The following CDK8 variants were observed in gnomAD, a reference collection of about 807,000 sequenced individuals.
CDK8 encodes the protein cyclin-dependent kinase 8.
Under a neutral mutation model 71.5 loss-of-function variants are expected in CDK8, and 29 were observed. The observed-to-expected ratio is 0.41, with a 90% confidence interval of 0.30 to 0.55. The LOEUF is 0.55. Ranked by LOEUF, CDK8 falls within the 20% of genes least tolerant of loss-of-function variation. The pLI is 0.37. For missense variants in CDK8, 288 were observed against 572.6 expected, an observed-to-expected ratio of 0.50 and a Z score of 5.07; for synonymous variants, 161 against 192.1, an observed-to-expected ratio of 0.84 and a Z score of 1.34.
chr13:26,292,827 A>T (rs950976986), intron 1 of CDK8, among the ~76,000 whole-genome samples: 1 of 152,208 alleles, frequency 6.6e-6, no homozygotes, highest in Admixed American at 6.5e-5. Context: ...CTCCAGTGTG[A>T]TTCAGATTTC....
At chr13:26,356,997 CT>C (rs1368685713) in intron 4 of CDK8, among the ~76,000 whole-genome samples, 1 of 152,080 alleles carries the variant, frequency 6.6e-6, no homozygotes, top group Middle Eastern at 3.2e-3. Flanking sequence ...CACAGACACC[CT>C]AAAAACACCA....
At chr13:26,361,898 G>C (rs188784209) in intron 4 of CDK8, among the ~76,000 whole-genome samples, 1 of 147,666 alleles carries the variant, frequency 6.8e-6, no homozygotes, top group Non-Finnish European at 1.5e-5. Context: ...CCAAAGTGCC[G>C]GGATTACAGG....
intron 1 of CDK8, among the ~76,000 whole-genome samples, chr13:26,321,056 A>G (rs1874753396): frequency 6.6e-6 from 1 of 152,238 alleles, no homozygotes. Flanking sequence ...AAAGAGGAAT[A>G]TAAATCCCTG....
chr13:26,285,161 C>T (rs1288502747), intron 1 of CDK8, among the ~76,000 whole-genome samples: 1 of 152,120 alleles, frequency 6.6e-6, no homozygotes, highest in African/African-American at 2.4e-5. Context: ...ATCGCTTGAA[C>T]CCGAGAGGTC....
chr13:26,270,389 CAA>C (rs58365823), intron 1 of CDK8, among the ~76,000 whole-genome samples: 24 of 128,044 alleles, frequency 1.9e-4, no homozygotes, highest in Admixed American at 2.4e-4. Flanking sequence ...AACTCTGTCT[CAA>C]AAAAAAAAAA....
intron 4 of CDK8, among the ~76,000 whole-genome samples, chr13:26,364,615 T>C (rs1446205078): frequency 6.6e-6 from 1 of 152,170 alleles, no homozygotes; most frequent in Non-Finnish European, 1.5e-5. Flanking sequence ...ACATACCTTA[T>C]TGTTACAATC....
At chr13:26,261,838 CA>C (rs1403949672) in intron 1 of CDK8, among the ~76,000 whole-genome samples, 2 of 152,130 alleles carry the variant, frequency 1.3e-5, no homozygotes, top group African/African-American at 4.8e-5. Flanking sequence ...GGATCATATC[CA>C]AAGCAGCTGA....
chr13:26,298,018 T>C (rs1873642972), intron 1 of CDK8, among the ~76,000 whole-genome samples: 1 of 152,066 alleles, frequency 6.6e-6, no homozygotes. Context: ...TATTAAAGCC[T>C]CCTCCACCCT....
chr13:26,403,259 C>G (rs898427003), intron 12 of CDK8, among the ~76,000 whole-genome samples: 6 of 152,028 alleles, frequency 3.9e-5, no homozygotes, highest in African/African-American at 1.2e-4. Flanking sequence ...CCCGTAATCC[C>G]AGTGGTTTAG....
At chr13:26,397,558 A>C (rs1406599856) in intron 9 of CDK8, among the ~76,000 whole-genome samples, 1 of 151,470 alleles carries the variant, frequency 6.6e-6, no homozygotes, top group African/African-American at 2.4e-5. Flanking sequence ...TCAAGAAGAA[A>C]GTACTTCTCA....
At chr13:26,396,697 C>T (rs765714272) in intron 8 of CDK8, among the ~76,000 whole-genome samples, 4 of 152,098 alleles carry the variant, frequency 2.6e-5, no homozygotes, top group Non-Finnish European at 5.9e-5. Context: ...GCCACTTGCT[C>T]ACCAATCTAG....
At chr13:26,377,507 G>GA (rs1283603971) in intron 4 of CDK8, among the ~76,000 whole-genome samples, 2 of 152,156 alleles carry the variant, frequency 1.3e-5, no homozygotes, top group African/African-American at 4.8e-5. Flanking sequence ...TTTTTATCAG[G>GA]AAACAGAATT....
chr13:26,293,998 A>G (rs1454075341), intron 1 of CDK8, among the ~76,000 whole-genome samples: 1 of 152,158 alleles, frequency 6.6e-6, no homozygotes, highest in Non-Finnish European at 1.5e-5. Context: ...TTTAAATTCT[A>G]CATATAAGTG....
At position 26,293,082 on chromosome 13, in the gene CDK8, AT is replaced by A. The variant is rs577903559; in HGVS notation, c.128+38317del. Among the ~76,000 whole-genome samples the A allele has an allele frequency of 9.2e-5, 14 of 152,234 alleles. No individual in the cohort carries two copies. In the South Asian group the frequency reaches 2.9e-3, roughly 32 times the overall value. The stretch of plus-strand genomic sequence containing the variant: ...GAATCAAGAAAGTACTTGTCCTTCA[AT>A]TTTGGGAAATGCTATTATTTGATAA... On this transcript the variant is annotated intron_variant, in intron 1 of 12. Transcript: ENST00000381527.
At chr13:26,365,417 A>G (rs1347533405) in intron 4 of CDK8, among the ~76,000 whole-genome samples, 1 of 152,156 alleles carries the variant, frequency 6.6e-6, no homozygotes, top group East Asian at 1.9e-4. Flanking sequence ...TATCAATAAA[A>G]AAGTGGCCCA....
intron 5 of CDK8, among the ~76,000 whole-genome samples, chr13:26,383,612 G>A (rs944944265): frequency 6.6e-6 from 1 of 152,082 alleles, no homozygotes. Flanking sequence ...AAGACATCAG[G>A]ATTGTAACAA....
chr13:26,326,579 G>A lies in CDK8; in HGVS notation c.129-10988G>A, dbSNP rs542179380. 5.3e-5 allele frequency among the ~76,000 whole-genome samples: 8 copies of A among 152,314 alleles called. No individual in the cohort carries two copies. In the East Asian group the frequency reaches 1.5e-3, roughly 29 times the overall value. ...CCTTTTGATCCAGAAGTCTTGGGTA[G>A]AAGCTATATCTGTCTCTAAGATCAT... On this transcript the variant is annotated intron_variant, in intron 1 of 12. Coordinates refer to ENST00000381527, the MANE Select transcript of CDK8 (RefSeq NM_001260.3).
At chr13:26,356,846 A>G (rs868354236) in intron 4 of CDK8, among the ~76,000 whole-genome samples, 4 of 152,192 alleles carry the variant, frequency 2.6e-5, no homozygotes, top group Non-Finnish European at 2.9e-5. Context: ...ATAGTTCATT[A>G]TATTCTTTAC....
At chr13:26,278,744 A>G (rs1342272621) in intron 1 of CDK8, among the ~76,000 whole-genome samples, 1 of 152,204 alleles carries the variant, frequency 6.6e-6, no homozygotes, top group African/African-American at 2.4e-5. Flanking sequence ...GGATAATTTG[A>G]ACATTAGACA....
Sources: gnomAD v4.1 joint callset for allele counts (sites outside exome capture counted in the v4.1 genomes callset) on GRCh38, gnomAD v4.1.1 for gene constraint, MANE v1.5 for transcripts, NCBI Gene and HGNC (gene_info 2026-07-23, HGNC 2026-07-21) for gene names.